Variants in PGM5 observed in about 807,000 individuals in gnomAD.
The protein encoded by PGM5 is phosphoglucomutase 5.
PGM5 carries 23 observed loss-of-function variants against 59.2 expected under a neutral mutation model. The observed-to-expected ratio is 0.39, with a 90% CI of 0.28 to 0.55. The LOEUF (loss-of-function observed/expected upper bound fraction) is 0.55, where lower values mean the gene tolerates loss of function less well. Among genes scored for constraint, PGM5 ranks in the 20% least tolerant of loss-of-function variants. The pLI, the probability that PGM5 is intolerant of heterozygous loss-of-function variation, is 0.66. For synonymous variants in PGM5, 214 were observed against 286.0 expected (o/e 0.75, Z 2.54); for missense variants, 574 against 748.3 (o/e 0.77, Z 2.72).
chr9:68,490,175 C>A lies in PGM5; in HGVS notation c.1479+6127C>A, dbSNP rs1406016769. On this transcript the variant is annotated intron_variant, in intron 9 of 10. Transcript: ENST00000396396. ...TTAATATGTACCTCGATGCAACAAA[C>A]CCCTGGTCAGCAAATATGAAGCAGC... 2.6e-5 allele frequency among the ~76,000 whole-genome samples: 4 copies of A among 152,178 alleles called. No individual in the cohort carries two copies. The East Asian group carries it at 7.7e-4, about 29-fold the overall frequency.
chr9:68,401,159 G>A (rs1434081382), intron 6 of PGM5, among the ~76,000 whole-genome samples: 4 of 152,244 alleles, frequency 2.6e-5, no homozygotes, highest in African/African-American at 9.6e-5. Flanking sequence ...ACTATAAACT[G>A]TAGGAGATTT....
Position 68,528,829 on chromosome 9 carries a change from A to G in PGM5, c.1615-738A>G, listed in dbSNP as rs1329168622. ...TTCTCACTGTTTTATTAGCAATACC[A>G]TATCCATGCACCACTGAAAATCATT... On this transcript the variant is annotated intron_variant, in intron 10 of 10. Transcript: ENST00000396396. 6.6e-5 allele frequency among the ~76,000 whole-genome samples: 10 copies of G among 152,350 alleles called. No individual in the cohort carries two copies. The South Asian group carries it at 8.3e-4, about 13-fold the overall frequency.
rs1263274476 is a variant in PGM5 at position 68,440,716 on chromosome 9, A to G, written c.1044-24377A>G. 2.0e-5 allele frequency among the ~76,000 whole-genome samples: 3 copies of G among 152,098 alleles called. No homozygotes were observed. The East Asian group carries it at 5.8e-4, about 29-fold the overall frequency. On this transcript the variant is annotated intron_variant, in intron 6 of 10. Coordinates refer to ENST00000396396, the MANE Select transcript of PGM5 (RefSeq NM_021965.4). ...ATATAAGCATTAAGAGCTTATATTTATAAGAGAAAGGTTTCACATCAATAA... is the reference window on the plus strand; with the variant it reads ...ATATAAGCATTAAGAGCTTATATTTGTAAGAGAAAGGTTTCACATCAATAA...
In PGM5 at chr9:68,378,478, A is replaced by T. The variant is rs183798144; in HGVS notation, c.424+117A>T. ...AGGTGCAGAGGACCTAGCTCAGAAAAATTCAGTGAGGTGCCCAAAGAGATC... is the reference window on the plus strand; with the variant it reads ...AGGTGCAGAGGACCTAGCTCAGAAATATTCAGTGAGGTGCCCAAAGAGATC... On this transcript the variant is annotated intron_variant, in intron 2 of 10. Transcript: ENST00000396396. 3.6e-3 allele frequency: 4,758 copies of T among 1,319,730 alleles called. 20 individuals carry two copies. Among genetic ancestry groups the T allele is most frequent in the Non-Finnish European group, 3.4e-3 (3,371 of 985,060 alleles). The allele number at this position is 1,319,730 out of a possible 1,614,324, so 81.8% of individuals were successfully genotyped here. A position where few individuals can be genotyped will look rare whatever the true frequency, so the allele number is the denominator to read the frequency against.
At chr9:68,518,224 G>C (rs1246249224) in intron 10 of PGM5, among the ~76,000 whole-genome samples, 1 of 152,202 alleles carries the variant, frequency 6.6e-6, no homozygotes, top group Non-Finnish European at 1.5e-5. Context: ...GTGGTATACA[G>C]ACTGTACTCC....
intron 6 of PGM5, among the ~76,000 whole-genome samples, chr9:68,411,641 T>C (rs563817199): frequency 1.1e-3 from 164 of 152,216 alleles, no homozygotes; most frequent in African/African-American, 3.7e-3. Flanking sequence ...GAAAACCTTC[T>C]CTGGGTCAGA....
chr9:68,465,243 C>A (rs370002972), intron 7 of PGM5, 35 bp downstream of exon 7: 2 of 1,325,538 alleles, frequency 1.5e-6, no homozygotes, highest in Non-Finnish European at 1.1e-6. Flanking sequence ...CTGGGGAGGG[C>A]GGCTGCAGCC....
intron 1 of PGM5, among the ~76,000 whole-genome samples, chr9:68,376,004 G>A (rs1472470312): frequency 2.6e-5 from 4 of 152,232 alleles, no homozygotes; most frequent in African/African-American, 9.6e-5. Flanking sequence ...GAAGGAGGGC[G>A]GGAGGGCGAT....
At chr9:68,415,805 A>ATCTG (rs1273017727) in intron 6 of PGM5, among the ~76,000 whole-genome samples, 68 of 69,450 alleles carry the variant, frequency 9.8e-4, no homozygotes, top group Admixed American at 1.3e-3. Flanking sequence ...CTATCTATCT[A>ATCTG]TCTATCTATC....
chr9:68,413,779 ACTCATCT>A (rs1397435138), intron 6 of PGM5, among the ~76,000 whole-genome samples: 1 of 152,130 alleles, frequency 6.6e-6, no homozygotes, highest in Non-Finnish European at 1.5e-5. Flanking sequence ...TGATGCAGGA[ACTCATCT>A]CTTAACAAAA....
chr9:68,386,816 A>G (rs868970807), intron 3 of PGM5, among the ~76,000 whole-genome samples: 2 of 152,114 alleles, frequency 1.3e-5, no homozygotes, highest in South Asian at 4.1e-4. Flanking sequence ...AACTTTTTGG[A>G]TTATTGGTTA....
At chr9:68,409,618 C>T (rs1249934597) in intron 6 of PGM5, among the ~76,000 whole-genome samples, 8 of 22,850 alleles carry the variant, frequency 3.5e-4, no homozygotes, top group Admixed American at 8.2e-4. Flanking sequence ...AGTAAACTAT[C>T]GCAAGAACAA....
At chr9:68,519,945 C>T (rs1402903074) in intron 10 of PGM5, among the ~76,000 whole-genome samples, 1 of 128,440 alleles carries the variant, frequency 7.8e-6, no homozygotes, top group African/African-American at 3.0e-5. Flanking sequence ...ATAAAATTAG[C>T]CAGGTGTGAT....
At chr9:68,523,365 C>T (rs566131013) in intron 10 of PGM5, among the ~76,000 whole-genome samples, 15 of 152,260 alleles carry the variant, frequency 9.9e-5, no homozygotes, top group South Asian at 6.2e-4. Context: ...CAACCCAGAC[C>T]CCTTGAATCA....
intron 10 of PGM5, among the ~76,000 whole-genome samples, chr9:68,528,831 A>AT (rs1194771056): frequency 6.6e-6 from 1 of 152,248 alleles, no homozygotes; most frequent in Non-Finnish European, 1.5e-5. Context: ...GCAATACCAT[A>AT]TCCATGCACC....
intron 6 of PGM5, among the ~76,000 whole-genome samples, chr9:68,450,005 G>C (rs939021093): frequency 1.3e-5 from 2 of 152,132 alleles, no homozygotes; most frequent in Non-Finnish European, 2.9e-5. Flanking sequence ...GCTGGGGTTT[G>C]ACCAGTATAG....
chr9:68,429,534 C>T (rs1823307783), intron 6 of PGM5, among the ~76,000 whole-genome samples: 1 of 152,214 alleles, frequency 6.6e-6, no homozygotes, highest in Non-Finnish European at 1.5e-5. Flanking sequence ...GTGCTCATTA[C>T]TCTTACAGCC....
At chr9:68,499,425 A>C in intron 10 of PGM5, 64 bp downstream of exon 10, 33 of 1,544,070 alleles carry the variant, frequency 2.1e-5, no homozygotes, top group Non-Finnish European at 2.6e-5. Context: ...AGAGAGCTCC[A>C]TGGGCCTTTA....
At chr9:68,474,063 C>T (rs139517128) in intron 7 of PGM5, among the ~76,000 whole-genome samples, 9 of 152,196 alleles carry the variant, frequency 5.9e-5, no homozygotes, top group Admixed American at 2.0e-4. Context: ...CTTTCAAGCC[C>T]GGCTGCCTGT....
Sources: allele counts gnomAD v4.1 joint callset (sites outside exome capture counted in the v4.1 genomes callset), GRCh38; gene constraint gnomAD v4.1.1; transcripts MANE v1.5; gene names NCBI Gene and HGNC (gene_info 2026-07-23, HGNC 2026-07-21).